SMU1: variants seen among roughly 807,000 people sequenced by gnomAD.
The protein encoded by SMU1 is WD40 repeat-containing protein SMU1.
SMU1 carries 2 observed loss-of-function variants against 62.0 expected under a neutral mutation model. The observed-to-expected ratio is 0.03, with a 90% CI of 0.01 to 0.10. SMU1 has a LOEUF of 0.10. SMU1 is among the 10% of genes least tolerant of loss of function. The pLI is 1.00. For missense variants in SMU1, 227 were observed against 622.1 expected (o/e 0.36, Z 6.76); for synonymous variants, 188 against 212.4 (o/e 0.89, Z 1.00).
At chr9:33,058,450 G>A (rs987221465) in intron 6 of SMU1, among the ~76,000 whole-genome samples, 61 of 152,142 alleles carry the variant, frequency 4.0e-4, no homozygotes, top group African/African-American at 1.5e-3. Flanking sequence ...CTAAGTAGCC[G>A]GGATTACAGG....
In SMU1 at chr9:33,057,711, G is replaced by C. The variant is rs1408425458; in HGVS notation, c.754C>G (p.Leu252Val). The C allele has an allele frequency of 6.2e-7, 1 of 1,613,528 alleles. No individual in the cohort carries two copies. Among genetic ancestry groups the C allele is most frequent in the Non-Finnish European group, 8.5e-7 (1 of 1,179,956 alleles). Residue 252 changes from leucine (L) to valine (V), a missense_variant, in exon 7 of 12, where the codon CTT (leucine) becomes GTT (valine). Physicochemically the swap from Leu to Val is conservative, Grantham distance 32. Transcript: ENST00000397149. ...AAGTTATCTTGGGCCTGGTACTTAA[G>C]ATCCTAAAGAAACAATGGTTAGCAG... The part of the protein sequence containing the change: ...NFTTGKIRKD[L>V]KYQAQDNFMM...
rs1372374402 is a variant in SMU1 at position 33,062,033 on chromosome 9, T to C, written c.630+16A>G. Reference sequence around the variant, plus strand: ...AACAAATGATTACTGACTGGCTGAATGTCTTAGGATCCTACCTTAATATGC... The same window carrying C: ...AACAAATGATTACTGACTGGCTGAACGTCTTAGGATCCTACCTTAATATGC... On this transcript the variant is annotated intron_variant, in intron 5 of 11. Coordinates refer to ENST00000397149, the MANE Select transcript of SMU1 (RefSeq NM_018225.3). The C allele has an allele frequency of 6.2e-7, 1 of 1,611,742 alleles. No homozygotes were observed. The highest frequency in any genetic ancestry group is 1.1e-5 in the South Asian group (1 of 90,954).
intron 7 of SMU1, 38 bp from the exon 8 acceptor site, chr9:33,057,002 G>A (rs1198628083): frequency 1.9e-6 from 3 of 1,585,196 alleles, no homozygotes; most frequent in African/African-American, 1.4e-5. Context: ...AAAAAACCTT[G>A]TTAAGTGTCC....
At chr9:33,072,525 C>T (rs1162313695) in intron 2 of SMU1, among the ~76,000 whole-genome samples, 2 of 152,070 alleles carry the variant, frequency 1.3e-5, no homozygotes, top group Admixed American at 1.3e-4. Flanking sequence ...TTATTGAACT[C>T]ATACGGATTG....
Position 33,076,662 on chromosome 9 carries a change from A to G in SMU1, c.-54T>C. The G allele has an allele frequency of 1.2e-6, 2 of 1,613,028 alleles. No individual in the cohort carries two copies. Among genetic ancestry groups the G allele is most frequent in the African/African-American group, 1.3e-5 (1 of 75,040 alleles). On this transcript the variant is annotated 5_prime_UTR_variant, in exon 1 of 12. Coordinates refer to ENST00000397149, the MANE Select transcript of SMU1 (RefSeq NM_018225.3). ...GCTCTCCCTCAAGGCCAGTCGCGCA[A>G]CACACCAACGACACCTCCGGCGGAC...
Position 33,062,052 on chromosome 9 carries a change from A to C in SMU1, c.627T>G (p.Ile209Met). The C allele has an allele frequency of 6.2e-7, 1 of 1,613,448 alleles. No homozygotes were observed. The highest frequency in any genetic ancestry group is 8.5e-7 in the Non-Finnish European group (1 of 1,179,744). ...EKFPTQLSRH[I>M]KFGQKSHVEC... ...GCTGAATGTCTTAGGATCCTACCTT[A>C]ATATGCCTGCTCAGTTGTGTAGGAA... The change falls in exon 5 of 12, where the codon ATT becomes ATG. Residue 209 changes from isoleucine to methionine, a missense_variant. Ile to Met is a conservative substitution (Grantham distance 10, BLOSUM62 1). Coordinates refer to ENST00000397149, the MANE Select transcript of SMU1 (RefSeq NM_018225.3).
intron 2 of SMU1, among the ~76,000 whole-genome samples, chr9:33,072,850 A>AC (rs1839503179): frequency 6.6e-6 from 1 of 151,166 alleles, no homozygotes; most frequent in Non-Finnish European, 1.5e-5. Context: ...AAAAAAAAAA[A>AC]CCCGTAAACA....
At chr9:33,060,042 T>C (rs76406898) in intron 6 of SMU1, among the ~76,000 whole-genome samples, 16,855 of 152,236 alleles carry the variant, frequency 0.11, 1,142 homozygotes, top group Non-Finnish European at 0.15. Flanking sequence ...TTTGAGACAG[T>C]GTTGCTGCCC....
At chr9:33,074,423 A>AC (rs1290843041) in intron 1 of SMU1, among the ~76,000 whole-genome samples, 2 of 150,534 alleles carry the variant, frequency 1.3e-5, no homozygotes, top group African/African-American at 4.9e-5. Context: ...ACATAAGAAG[A>AC]CCCCTTCTCT....
At chr9:33,061,997 G>C in intron 5 of SMU1, 52 bp downstream of exon 5, 1 of 1,593,346 alleles carries the variant, frequency 6.3e-7, no homozygotes. Context: ...CTGAGCCCAT[G>C]ACAAGTCCTC....
At chr9:33,050,554 G>A (rs1202655000) in intron 10 of SMU1, among the ~76,000 whole-genome samples, 5 of 149,862 alleles carry the variant, frequency 3.3e-5, no homozygotes, top group South Asian at 4.2e-4. Context: ...AAAGCCGGGT[G>A]TGGTGGCTCA....
chr9:33,071,708 C>T (rs1015626079), intron 3 of SMU1, 32 bp downstream of exon 3: 1 of 1,488,536 alleles, frequency 6.7e-7, no homozygotes, highest in South Asian at 1.3e-5. Flanking sequence ...CCAAAGTTAA[C>T]AAAAAGTTCC....
chr9:33,043,504 T>C lies in SMU1; in HGVS notation c.*3789A>G, dbSNP rs1323930494. 1.3e-5 allele frequency: 2 copies of C among 152,220 alleles called. No individual in the cohort carries two copies. Among genetic ancestry groups the C allele is most frequent in the Admixed American group, 1.3e-4 (2 of 15,280 alleles). 9.4% of individuals were successfully genotyped at this position (152,220 alleles called of 1,614,324 possible). A position where few individuals can be genotyped will look rare whatever the true frequency, so the allele number is the denominator to read the frequency against. On this transcript the variant is annotated 3_prime_UTR_variant, in exon 12 of 12. Coordinates refer to ENST00000397149, the MANE Select transcript of SMU1 (RefSeq NM_018225.3). ...TTAGAATGTGTCTATCACGTGACAC[T>C]TGTAAGAACCACTGTTCTAGCACAA... is the stretch of plus-strand genomic sequence containing the variant.
chr9:33,067,128 A>G (rs1192533298), intron 4 of SMU1, among the ~76,000 whole-genome samples: 3 of 152,134 alleles, frequency 2.0e-5, no homozygotes, highest in African/African-American at 7.2e-5. Context: ...ATTATTTTTT[A>G]GCTGTGAACA....
chr9:33,071,333 G>T (rs1411610), intron 3 of SMU1, among the ~76,000 whole-genome samples: 152,155 of 152,276 alleles, frequency 1, 76,017 homozygotes, highest in Non-Finnish European at 1. Flanking sequence ...CATAATCCGC[G>T]AAGAAACAAA....
chr9:33,056,379 G>A (rs188263709), intron 8 of SMU1, 140 bp from the exon 9 acceptor site: 12 of 856,988 alleles, frequency 1.4e-5, no homozygotes, highest in Admixed American at 1.3e-4. Flanking sequence ...TTGTGTATAC[G>A]GTGTAATTTT....
rs1279736206 is a variant in SMU1, at chr9:33,042,074, C to T, written c.*5219G>A. 4.6e-5 allele frequency: 7 copies of T among 152,496 alleles called. No homozygotes were observed. Among genetic ancestry groups the T allele is most frequent in the African/African-American group, 1.4e-4 (6 of 41,416 alleles). 9.4% of individuals were successfully genotyped at this position (152,496 alleles called of 1,614,324 possible). The stretch of plus-strand genomic sequence containing the variant: ...CACAATTGTTTAGGAAAATTTGTTA[C>T]ATGTTTTACAATTAAAAATCCTAAG... On this transcript the variant is annotated 3_prime_UTR_variant, in exon 12 of 12. Transcript: ENST00000397149.
chr9:33,067,360 T>C (rs2117852508), intron 4 of SMU1, among the ~76,000 whole-genome samples: 1 of 149,412 alleles, frequency 6.7e-6, no homozygotes, highest in Admixed American at 6.7e-5. Context: ...TATTCAGCTA[T>C]GGAGCTAAGT....
At chr9:33,061,770 C>T (rs1218532694) in intron 5 of SMU1, among the ~76,000 whole-genome samples, 1 of 152,166 alleles carries the variant, frequency 6.6e-6, no homozygotes, top group Non-Finnish European at 1.5e-5. Flanking sequence ...AAGAACTAAC[C>T]ATTCTTCCAA....
Sources: gnomAD v4.1 joint callset for allele counts (sites outside exome capture counted in the v4.1 genomes callset) on GRCh38, gnomAD v4.1.1 for gene constraint, MANE v1.5 for transcripts, NCBI Gene and HGNC (gene_info 2026-07-23, HGNC 2026-07-21) for gene names.